Variants in NIPA2 observed in about 807,000 individuals in gnomAD.
The protein encoded by NIPA2 is NIPA magnesium transporter 2, also known as magnesium transporter NIPA2.
A neutral mutation model predicts 29.7 loss-of-function variants in NIPA2; 11 were observed. The observed-to-expected ratio is 0.37, with a 90% CI of 0.23 to 0.61. The LOEUF is 0.61. NIPA2 is among the 20% of genes least tolerant of loss of function. The pLI is 0.66. For missense variants in NIPA2, 426 were observed against 437.9 expected (o/e 0.97, Z 0.24); for synonymous variants, 183 against 161.9 (o/e 1.13, Z -0.99).
intron 5 of NIPA2, 102 bp from the exon 6 acceptor site, chr15:22,858,438 A>C (rs2058364844): frequency 1.6e-6 from 1 of 606,160 alleles, no homozygotes; most frequent in African/African-American, 1.9e-5. Flanking sequence ...AGGTTACTAA[A>C]TACAGTTGAA....
At chr15:22,858,511 G>A in intron 5 of NIPA2, 29 bp from the exon 6 acceptor site, 1 of 1,512,530 alleles carries the variant, frequency 6.6e-7, no homozygotes, top group Non-Finnish European at 9.1e-7. Flanking sequence ...ATTCTTACCT[G>A]AGTTTTTCTT....
At chr15:22,847,868 A>G (rs1266237515) in intron 3 of NIPA2, among the ~76,000 whole-genome samples, 4 of 147,648 alleles carry the variant, frequency 2.7e-5, no homozygotes, top group East Asian at 2.0e-4. Context: ...CACTATCTCA[A>G]CTCACCACAA....
intron 3 of NIPA2, among the ~76,000 whole-genome samples, chr15:22,845,748 G>A (rs1898447464): frequency 6.6e-6 from 1 of 152,030 alleles, no homozygotes; most frequent in South Asian, 2.1e-4. Context: ...AATGAAGTGG[G>A]CAGGAGAGGG....
chr15:22,858,484 C>G lies in NIPA2; in HGVS notation c.197-56C>G, dbSNP rs1445305510. The G allele has an allele frequency of 2.8e-6, 3 of 1,090,674 alleles. No homozygotes were observed. In the African/African-American group the frequency reaches 4.7e-5, roughly 17 times the overall value. The allele number at this position is 1,090,674 out of a possible 1,614,324, so 67.6% of individuals were successfully genotyped here. A position where few individuals can be genotyped will look rare whatever the true frequency, so the allele number is the denominator to read the frequency against. ...GATAGTGCATAAAATGCCGGCATTTCCAAGTTGAGTACATACATTCTTACC... is the reference window on the plus strand; with the variant it reads ...GATAGTGCATAAAATGCCGGCATTTGCAAGTTGAGTACATACATTCTTACC... On this transcript the variant is annotated intron_variant, in intron 5 of 7. Transcript: ENST00000337451.
intron 3 of NIPA2, among the ~76,000 whole-genome samples, chr15:22,848,744 G>C (rs1358909792): frequency 5.9e-5 from 8 of 135,342 alleles, no homozygotes; most frequent in Non-Finnish European, 6.1e-5. Flanking sequence ...AGAATCACTT[G>C]AACCTGGGCA....
chr15:22,852,529 T>C (rs557061046), intron 4 of NIPA2, among the ~76,000 whole-genome samples: 2 of 150,162 alleles, frequency 1.3e-5, no homozygotes, highest in South Asian at 4.2e-4. Context: ...CTTTTGTCCA[T>C]GATAGTAGAC....
intron 3 of NIPA2, among the ~76,000 whole-genome samples, chr15:22,849,527 C>T (rs1396156288): frequency 2.6e-5 from 4 of 151,484 alleles, no homozygotes; most frequent in Non-Finnish European, 5.9e-5. Context: ...AACTCAGCAC[C>T]TTTTTGACTT....
Position 22,842,425 on chromosome 15 carries a change from T to C in NIPA2, c.-216+2635T>C, listed in dbSNP as rs573448351. On this transcript the variant is annotated intron_variant, in intron 2 of 7. Transcript: ENST00000337451. ...AAGATCTAGGCTGGGCGCGGTGGCT[T>C]ACGCCTGTAATCCCAGCACTTTGGG... Among the ~76,000 whole-genome samples the C allele has an allele frequency of 5.6e-4, 85 of 152,082 alleles. 1 individual carries two copies. Among genetic ancestry groups the C allele is most frequent in the East Asian group, 4.5e-3 (23 of 5,160 alleles).
chr15:22,851,926 G>C, intron 4 of NIPA2, 56 bp downstream of exon 4: 1 of 1,469,162 alleles, frequency 6.8e-7, no homozygotes, highest in Non-Finnish European at 9.3e-7. Flanking sequence ...TACATGCACA[G>C]GTTCTTTGTA....
intron 1 of NIPA2, chr15:22,839,239 A>G (rs1566805179): frequency 6.6e-6 from 1 of 152,186 alleles, no homozygotes; most frequent in Admixed American, 6.5e-5. Context: ...CAAGCCTTAG[A>G]AGTCTGCTGT....
intron 3 of NIPA2, among the ~76,000 whole-genome samples, chr15:22,848,538 C>G (rs2057454967): frequency 6.6e-6 from 1 of 151,998 alleles, no homozygotes; most frequent in East Asian, 1.9e-4. Flanking sequence ...ATGAATTATT[C>G]CATTTGGCTG....
At chr15:22,849,933 C>G (rs2057602998) in intron 3 of NIPA2, among the ~76,000 whole-genome samples, 1 of 151,938 alleles carries the variant, frequency 6.6e-6, no homozygotes, top group Admixed American at 6.6e-5. Flanking sequence ...TGGTTTCTAC[C>G]TTGGCATCCT....
chr15:22,859,444 C>T lies in NIPA2; in HGVS notation c.287+814C>T, dbSNP rs182923140. ...AGTAGCTGGGACTACAGGCACCCGC[C>T]ACCACACCTGGCTAATGTTTTGTAT... On this transcript the variant is annotated intron_variant, in intron 6 of 7. Coordinates refer to ENST00000337451, the MANE Select transcript of NIPA2 (RefSeq NM_030922.7). Among the ~76,000 whole-genome samples the T allele has an allele frequency of 1.6e-3, 238 of 152,158 alleles. 1 individual carries two copies. Among genetic ancestry groups the T allele is most frequent in the African/African-American group, 5.5e-3 (227 of 41,532 alleles).
intron 5 of NIPA2, among the ~76,000 whole-genome samples, chr15:22,857,934 T>C (rs2058322058): frequency 6.6e-6 from 1 of 152,070 alleles, no homozygotes; most frequent in Non-Finnish European, 1.5e-5. Flanking sequence ...TTTTATTTAC[T>C]GTCCTGGGAT....
rs542319498 is a variant in NIPA2 at position 22,840,308 on chromosome 15, T to TG, written c.-216+518_-216+519insG. ...ATATATAGTTTTTTTTTTTGTTTTT[T>TG]TTTTTTTGAGATGGAATCTTGCTCT... On this transcript the variant is annotated intron_variant, in intron 2 of 7. Coordinates refer to ENST00000337451, the MANE Select transcript of NIPA2 (RefSeq NM_030922.7). Among the ~76,000 whole-genome samples the TG allele has an allele frequency of 3.3e-4, 49 of 150,220 alleles. 2 individuals are homozygous for TG. The South Asian group carries it at 9.5e-3, about 29-fold the overall frequency.
intron 3 of NIPA2, among the ~76,000 whole-genome samples, chr15:22,845,674 T>C (rs1898428097): frequency 6.6e-6 from 1 of 151,946 alleles, no homozygotes; most frequent in African/African-American, 2.4e-5. Context: ...GAGAGCAGGC[T>C]TTGGGTTGCA....
In NIPA2 at chr15:22,856,541, TAAAG is replaced by T. The variant is rs923186087; in HGVS notation, c.197-1996_197-1993del. Among the ~76,000 whole-genome samples, 78 of 152,192 alleles carry T rather than the reference TAAAG, an allele frequency of 5.1e-4. 1 individual carries two copies. The highest frequency in any genetic ancestry group is 1.7e-3 in the African/African-American group (71 of 41,526). ...CATATTTAAAAGACATTTTGGGAAT[TAAAG>T]AAGAAAGAGTTTAACAAGAGAAGAA... On this transcript the variant is annotated intron_variant, in intron 5 of 7. Transcript: ENST00000337451.
At chr15:22,853,374 C>CT (rs35568106) in intron 5 of NIPA2, 106 bp downstream of exon 5, 19,207 of 379,184 alleles carry the variant, frequency 0.051, 11 homozygotes, top group South Asian at 0.06. Flanking sequence ...TTTAAATAAT[C>CT]TTTTTTTTTT....
chr15:22,866,859 T>C lies in NIPA2; in HGVS notation c.*12T>C. The C allele has an allele frequency of 6.4e-7, 1 of 1,571,912 alleles. No homozygotes were observed. The highest frequency in any genetic ancestry group is 1.4e-5 in the African/African-American group (1 of 73,452). On this transcript the variant is annotated 3_prime_UTR_variant, in exon 8 of 8. Coordinates refer to ENST00000337451, the MANE Select transcript of NIPA2 (RefSeq NM_030922.7). The stretch of plus-strand genomic sequence containing the variant: ...TGACAGCTTTTTAAGAAAGGTGTAA[T>C]TAAAGGTTAATCTGTGATTGTTATG...
Sources: gnomAD v4.1 joint callset for allele counts (sites outside exome capture counted in the v4.1 genomes callset) on GRCh38, gnomAD v4.1.1 for gene constraint, MANE v1.5 for transcripts, NCBI Gene and HGNC (gene_info 2026-07-23, HGNC 2026-07-21) for gene names.